The following ATRX variants were observed in gnomAD, a reference collection of about 807,000 sequenced individuals.
The protein encoded by ATRX is ATRX chromatin remodeler, also known as chromatin remodeler ATRX.
Under a neutral mutation model 172.6 loss-of-function variants are expected in ATRX, and 12 were observed. The ratio of observed to expected loss-of-function variants is 0.07; its 90% CI spans 0.04 to 0.11. ATRX has a LOEUF of 0.11. Ranked by LOEUF, ATRX falls within the 10% of genes least tolerant of loss-of-function variation. The pLI, the probability that ATRX is intolerant of heterozygous loss-of-function variation, is 1.00. For missense variants in ATRX, 1,368 were observed against 1,767.4 expected (o/e 0.77, Z 4.05); for synonymous variants, 674 against 594.7 (o/e 1.13, Z -1.94).
In ATRX at chrX:77,681,556, C is replaced by G. The variant is rs1557136819; in HGVS notation, c.3700G>C (p.Val1234Leu). 2.5e-6 allele frequency: 3 copies of G among 1,210,125 alleles called. No homozygotes were observed. The highest frequency in any genetic ancestry group is 1.1e-6 in the Non-Finnish European group (1 of 894,959). ...CAAAATCCAGTATGTGAAGACAGCA[C>G]TAAATTTTCAGTCACAGGCTTAATT... ...QKIKPVTENL[V>L]LSSHTGFCQS... The change falls in exon 9 of 35, where the codon GTG becomes CTG. Residue 1234 changes from valine to leucine, a missense_variant. Transcript: ENST00000373344.
intron 18 of ATRX, 59 bp downstream of exon 18, chrX:77,633,507 T>A (rs2068206675): frequency 4.4e-6 from 5 of 1,129,554 alleles, no homozygotes; most frequent in Non-Finnish European, 4.8e-6. Flanking sequence ...TTAAAAATAG[T>A]TTACTATATG....
At chrX:77,643,205 A>G (rs1557111961) in intron 15 of ATRX, among the ~76,000 whole-genome samples, 1 of 110,466 alleles carries the variant, frequency 9.1e-6, no homozygotes, top group Non-Finnish European at 1.9e-5. Context: ...TAAGGCTCTC[A>G]TCATTTCTTC....
chrX:77,648,038 CAG>C (rs1390358715), intron 15 of ATRX, among the ~76,000 whole-genome samples: 1 of 111,495 alleles, frequency 9.0e-6, no homozygotes, highest in African/African-American at 3.3e-5. Context: ...CCAGATAATA[CAG>C]AGTCACATTA....
chrX:77,757,964 C>T (rs182147180), intron 1 of ATRX, among the ~76,000 whole-genome samples: 2 of 110,814 alleles, frequency 1.8e-5, no homozygotes, highest in South Asian at 3.9e-4. Flanking sequence ...AACAGTGACA[C>T]CTCATTCAAT....
chrX:77,774,882 TTTTG>T (rs71880876), intron 1 of ATRX, among the ~76,000 whole-genome samples: 7,786 of 108,608 alleles, frequency 0.072, 318 homozygotes, highest in African/African-American at 0.13. Context: ...AATTTAGTAC[TTTTG>T]TTTGTTTGTT....
chrX:77,678,943 C>T (rs952367268), intron 9 of ATRX, among the ~76,000 whole-genome samples: 2 of 110,667 alleles, frequency 1.8e-5, no homozygotes, highest in Admixed American at 9.7e-5. Context: ...CCAAATACTG[C>T]GAATAAACTG....
chrX:77,523,943 T>C (rs1436468402), intron 30 of ATRX, among the ~76,000 whole-genome samples: 1 of 111,908 alleles, frequency 8.9e-6, no homozygotes, highest in Non-Finnish European at 1.9e-5. Flanking sequence ...AATGTTAAAT[T>C]ACACTGTAAA....
chrX:77,700,498 G>A (rs1557152856), intron 2 of ATRX, among the ~76,000 whole-genome samples: 2 of 112,207 alleles, frequency 1.8e-5, no homozygotes, highest in African/African-American at 6.5e-5. Context: ...ATCCAAAGAA[G>A]CTGAAAACAT....
chrX:77,783,955 C>CA (rs1333358178), intron 1 of ATRX, among the ~76,000 whole-genome samples: 3 of 112,134 alleles, frequency 2.7e-5, no homozygotes, highest in Admixed American at 9.5e-5. Context: ...CACCTGGACA[C>CA]AAAAAATGTA....
intron 1 of ATRX, among the ~76,000 whole-genome samples, chrX:77,760,796 A>G (rs1457931544): frequency 8.1e-5 from 9 of 111,336 alleles, no homozygotes; most frequent in African/African-American, 2.9e-4. Flanking sequence ...TCCCACTTAA[A>G]TAATAAAAAA....
At chrX:77,771,003 A>C (rs1159615128) in intron 1 of ATRX, among the ~76,000 whole-genome samples, 1 of 112,331 alleles carries the variant, frequency 8.9e-6, no homozygotes, top group Non-Finnish European at 1.9e-5. Context: ...AAAGCTGATC[A>C]TATAACTCTA....
intron 30 of ATRX, 113 bp from the exon 31 acceptor site, chrX:77,523,514 A>G: frequency 1.3e-6 from 1 of 746,158 alleles, no homozygotes; most frequent in Non-Finnish European, 2.0e-6. Flanking sequence ...TGCTATATAT[A>G]TTTCTGATAT....
rs2071350107 is a variant in ATRX at position 77,683,174 on chromosome X, T to C, written c.2082A>G (p.Pro694=). ...AATTACGCTTATCCTTTTTTCTCAC[T>C]GGAACTGATAGTTTTTGTTTCTCCT... The part of the protein sequence containing the change: ...TVKEKQKLSV[P]VRKKDKRNSS... Residue 694 remains proline (P), a synonymous_variant, in exon 9 of 35, where the codon CCA becomes CCG. Coordinates refer to ENST00000373344, the MANE Select transcript of ATRX (RefSeq NM_000489.6). The C allele has an allele frequency of 1.7e-6, 2 of 1,206,799 alleles. No individual in the cohort carries two copies. The highest frequency in any genetic ancestry group is 2.2e-6 in the Non-Finnish European group (2 of 892,427).
intron 2 of ATRX, among the ~76,000 whole-genome samples, chrX:77,701,022 T>C (rs936420327): frequency 8.9e-6 from 1 of 112,138 alleles, no homozygotes; most frequent in Non-Finnish European, 1.9e-5. Flanking sequence ...AGAGTGAACC[T>C]TAACATAAAC....
intron 20 of ATRX, among the ~76,000 whole-genome samples, chrX:77,619,236 A>G (rs782071413): frequency 1.9e-4 from 21 of 111,620 alleles, no homozygotes; most frequent in Non-Finnish European, 3.6e-4. Flanking sequence ...ACCTAAGGAC[A>G]GTTTATTCAA....
At chrX:77,594,522 C>T (rs2066403781) in intron 25 of ATRX, 1 of 112,354 alleles carries the variant, frequency 8.9e-6, no homozygotes, top group Non-Finnish European at 1.9e-5. Flanking sequence ...CATGTTTATA[C>T]ACTTTCTCAA....
chrX:77,729,025 G>C (rs1557174718), intron 1 of ATRX, among the ~76,000 whole-genome samples: 1 of 107,096 alleles, frequency 9.3e-6, no homozygotes, highest in Non-Finnish European at 1.9e-5. Flanking sequence ...CTCCCAAAGT[G>C]CTGGGATTAT....
intron 1 of ATRX, among the ~76,000 whole-genome samples, chrX:77,732,678 A>G (rs2074352813): frequency 8.9e-6 from 1 of 112,150 alleles, no homozygotes; most frequent in East Asian, 2.8e-4. Context: ...CAAAAACCAT[A>G]TTATATCAAT....
chrX:77,690,079 TA>T (rs1200999121), intron 6 of ATRX, among the ~76,000 whole-genome samples: 74 of 112,061 alleles, frequency 6.6e-4, no homozygotes, highest in Non-Finnish European at 2.6e-4. Context: ...GTAGAAACTT[TA>T]AAAAAATTTT....
Sources: allele counts gnomAD v4.1 joint callset (sites outside exome capture counted in the v4.1 genomes callset), GRCh38; gene constraint gnomAD v4.1.1; transcripts MANE v1.5; gene names NCBI Gene and HGNC (gene_info 2026-07-23, HGNC 2026-07-21).